The following GTF2IRD1 variants were observed in gnomAD, a reference collection of about 807,000 sequenced individuals.
GTF2IRD1 encodes the protein GTF2I repeat domain containing 1, also known as general transcription factor II-I repeat domain-containing protein 1.
GTF2IRD1 carries 26 observed loss-of-function variants against 113.2 expected under a neutral mutation model. That is an observed-to-expected ratio of 0.23 (90% CI 0.17 to 0.32). The LOEUF is 0.32. Ranked by LOEUF, GTF2IRD1 falls within the 10% of genes least tolerant of loss-of-function variation. The pLI is 1.00. For synonymous variants in GTF2IRD1, 484 were observed against 529.1 expected, an observed-to-expected ratio of 0.91 and a Z score of 1.17; for missense variants, 864 against 1,280.8, an observed-to-expected ratio of 0.67 and a Z score of 4.97.
chr7:74,490,768 A>G (rs945830882), intron 1 of GTF2IRD1, among the ~76,000 whole-genome samples: 2 of 151,776 alleles, frequency 1.3e-5, no homozygotes, highest in African/African-American at 4.8e-5. Flanking sequence ...TGAATCACAG[A>G]GACGCTTCTC....
chr7:74,570,414 C>T lies in GTF2IRD1; in HGVS notation c.2320+10759C>T, dbSNP rs1280694902. On this transcript the variant is annotated intron_variant, in intron 22 of 26. Coordinates refer to ENST00000424337, the MANE Select transcript of GTF2IRD1 (RefSeq NM_005685.4). Reference sequence around the variant, plus strand: ...TGGCTCATTGCCTGTAATCCCAGCACTTCGGGAGGCCAAGGCAGGAGGATT... The same window carrying T: ...TGGCTCATTGCCTGTAATCCCAGCATTTCGGGAGGCCAAGGCAGGAGGATT... 2.0e-5 allele frequency among the ~76,000 whole-genome samples: 3 copies of T among 149,442 alleles called. No individual in the cohort carries two copies. The Admixed American group carries it at 2.0e-4, about 10-fold the overall frequency.
intron 22 of GTF2IRD1, among the ~76,000 whole-genome samples, chr7:74,571,622 G>A (rs587645216): frequency 1.3e-5 from 2 of 152,342 alleles, no homozygotes; most frequent in South Asian, 4.1e-4. Flanking sequence ...AGCACTTTGG[G>A]AGGCCAAGGC....
rs587634913 is a variant in GTF2IRD1, at chr7:74,557,462, T to C, written c.2024-177T>C. On this transcript the variant is annotated intron_variant, in intron 19 of 26. Coordinates refer to ENST00000424337, the MANE Select transcript of GTF2IRD1 (RefSeq NM_005685.4). ...GTTGTGGCAACAGTGCATGTCCTTC[T>C]GAAAAAAAGACATCTCCATCAACAT... Among the ~76,000 whole-genome samples the C allele has an allele frequency of 2.6e-5, 4 of 152,276 alleles. No homozygotes were observed. The South Asian group carries it at 8.3e-4, about 32-fold the overall frequency.
chr7:74,470,377 G>A (rs1342306813), intron 1 of GTF2IRD1, among the ~76,000 whole-genome samples: 4 of 151,968 alleles, frequency 2.6e-5, no homozygotes, highest in Non-Finnish European at 4.4e-5. Flanking sequence ...GTTCATTTTC[G>A]TCACTCTGAA....
At chr7:74,502,951 G>C (rs1554339903) in intron 1 of GTF2IRD1, among the ~76,000 whole-genome samples, 1 of 152,158 alleles carries the variant, frequency 6.6e-6, no homozygotes, top group Non-Finnish European at 1.5e-5. Context: ...CGGATCACCT[G>C]AGGTCAGGCG....
chr7:74,529,622 A>C, intron 8 of GTF2IRD1, 112 bp from the exon 9 acceptor site: 2 of 773,798 alleles, frequency 2.6e-6, no homozygotes, highest in Non-Finnish European at 4.2e-6. Context: ...TGGCCGCTAC[A>C]TGGCCAGAGT....
chr7:74,494,955 A>G (rs1490457548), intron 1 of GTF2IRD1, among the ~76,000 whole-genome samples: 3 of 152,058 alleles, frequency 2.0e-5, no homozygotes, highest in African/African-American at 2.4e-5. Context: ...GGGTCTCACT[A>G]TGTTACCCAG....
At chr7:74,564,791 T>C (rs1338128625) in intron 22 of GTF2IRD1, among the ~76,000 whole-genome samples, 1 of 152,122 alleles carries the variant, frequency 6.6e-6, no homozygotes, top group African/African-American at 2.4e-5. Flanking sequence ...TTTAATATTT[T>C]CCCAGCTGAG....
intron 1 of GTF2IRD1, among the ~76,000 whole-genome samples, chr7:74,498,279 A>C (rs952329166): frequency 6.6e-6 from 1 of 152,196 alleles, no homozygotes; most frequent in Non-Finnish European, 1.5e-5. Flanking sequence ...CTGGGATTAC[A>C]GGCATGAACC....
chr7:74,591,401 C>G (rs1583976239), intron 24 of GTF2IRD1, among the ~76,000 whole-genome samples: 2 of 105,876 alleles, frequency 1.9e-5, no homozygotes, highest in Non-Finnish European at 3.5e-5. Context: ...TTTTTTGAGA[C>G]AGAGTCTTGC....
At position 74,508,077 on chromosome 7, in the gene GTF2IRD1, G is replaced by T; in HGVS notation, c.-4G>T. The T allele has an allele frequency of 6.2e-7, 1 of 1,605,144 alleles. No homozygotes were observed. The stretch of plus-strand genomic sequence containing the variant: ...CACTGCCTCCTCCCTCCCCACAGGC[G>T]ACCATGGCCTTGCTGGGTAAGCGCT... On this transcript the variant is annotated splice_region_variant and 5_prime_UTR_variant, in exon 2 of 27. Transcript: ENST00000424337.
chr7:74,541,913 TAG>T (rs1554351780), intron 14 of GTF2IRD1, among the ~76,000 whole-genome samples: 11 of 72,212 alleles, frequency 1.5e-4, no homozygotes, highest in Admixed American at 2.8e-4. Context: ...AATAACTAAA[TAG>T]ATAGATAGAT....
intron 14 of GTF2IRD1, among the ~76,000 whole-genome samples, chr7:74,541,503 G>A (rs1305765828): frequency 1.3e-5 from 2 of 152,138 alleles, no homozygotes; most frequent in African/African-American, 4.8e-5. Flanking sequence ...GTGCGTGCCT[G>A]TAGTTCCAGC....
intron 9 of GTF2IRD1, 37 bp from the exon 10 acceptor site, chr7:74,535,076 T>C (rs781920057): frequency 9.4e-6 from 15 of 1,602,572 alleles, no homozygotes; most frequent in Non-Finnish European, 1.3e-5. Context: ...TCCTCCAGCC[T>C]GCACTGTTCT....
chr7:74,563,060 G>T (rs1800076088), intron 22 of GTF2IRD1, among the ~76,000 whole-genome samples: 1 of 152,072 alleles, frequency 6.6e-6, no homozygotes, highest in Non-Finnish European at 1.5e-5. Flanking sequence ...CCTTGAGCTT[G>T]CACTAGGGCC....
At chr7:74,557,129 C>G (rs1799647766) in intron 19 of GTF2IRD1, among the ~76,000 whole-genome samples, 1 of 152,212 alleles carries the variant, frequency 6.6e-6, no homozygotes, top group Middle Eastern at 3.4e-3. Context: ...GCCTGTGGTC[C>G]CAGCTACTCA....
intron 17 of GTF2IRD1, among the ~76,000 whole-genome samples, chr7:74,547,925 A>G (rs1554353855): frequency 6.6e-6 from 1 of 152,070 alleles, no homozygotes; most frequent in African/African-American, 2.4e-5. Flanking sequence ...GGAACGTCCC[A>G]TCAGCTCACG....
In GTF2IRD1 at chr7:74,507,357, A is replaced by T. The variant is rs1243099877; in HGVS notation, c.-6-718A>T. The T allele has an allele frequency of 3.3e-5, 5 of 152,358 alleles. No individual in the cohort carries two copies. The East Asian group carries it at 9.7e-4, about 29-fold the overall frequency. The allele number at this position is 152,358 out of a possible 1,614,324, so 9.4% of individuals were successfully genotyped here. ...GACGTGTGGTGGCACCTGTAATCCC[A>T]GCTACCCGGGAGGCTGAGGCAGGAG... On this transcript the variant is annotated intron_variant, in intron 1 of 26. Coordinates refer to ENST00000424337, the MANE Select transcript of GTF2IRD1 (RefSeq NM_005685.4).
rs1802093143 is a variant in GTF2IRD1 at position 74,592,024 on chromosome 7, A to G, written c.2591+1007A>G. ...ATACAAAAAGATAGAAGAAAAGAAGATAGCTGTAACTCTCCTACTGAAAGT... is the reference window on the plus strand; with the variant it reads ...ATACAAAAAGATAGAAGAAAAGAAGGTAGCTGTAACTCTCCTACTGAAAGT... On this transcript the variant is annotated intron_variant, in intron 24 of 26. Transcript: ENST00000424337. Among the ~76,000 whole-genome samples the G allele has an allele frequency of 2.6e-5, 4 of 152,060 alleles. No individual in the cohort carries two copies. In the South Asian group the frequency reaches 8.3e-4, roughly 32 times the overall value.
Sources: allele counts gnomAD v4.1 joint callset (sites outside exome capture counted in the v4.1 genomes callset), GRCh38; gene constraint gnomAD v4.1.1; transcripts MANE v1.5; gene names NCBI Gene and HGNC (gene_info 2026-07-23, HGNC 2026-07-21).